The following MYH3 variants were observed in gnomAD, a reference collection of about 807,000 sequenced individuals.
The protein encoded by MYH3 is myosin heavy chain 3.
In MYH3, 130 loss-of-function variants were observed where a neutral mutation model predicts 238.0. The ratio of observed to expected loss-of-function variants is 0.55; its 90% CI spans 0.47 to 0.63. The LOEUF is 0.63. Among genes scored for constraint, MYH3 ranks in the 30% least tolerant of loss-of-function variants. The pLI is 0.00. For missense variants in MYH3, 1,853 were observed against 2,374.9 expected (o/e 0.78, Z 4.57); for synonymous variants, 880 against 924.1 (o/e 0.95, Z 0.86).
chr17:10,669,629 C>T, the MYH3 span, among the ~76,000 whole-genome samples: 1 of 151,154 alleles, frequency 6.6e-6, no homozygotes, highest in African/African-American at 2.4e-5. Flanking sequence ...TCAGGTTGGG[C>T]ACGGTGGCTT....
the MYH3 span, among the ~76,000 whole-genome samples, chr17:10,669,147 AGG>A: frequency 6.6e-6 from 1 of 152,212 alleles, no homozygotes; most frequent in Non-Finnish European, 1.5e-5. Flanking sequence ...GCTGCCCCGC[AGG>A]GATGTGAGCC....
Position 10,644,751 on chromosome 17 carries a change from GA to G in MYH3, c.1142-50del, listed in dbSNP as rs769371877. 12 of 1,427,514 alleles carry G rather than the reference GA, an allele frequency of 8.4e-6. No homozygotes were observed. The South Asian group carries it at 1.3e-4, about 15-fold the overall frequency. The allele number at this position is 1,427,514 out of a possible 1,614,324, so 88.4% of individuals were successfully genotyped here. ...CTTAGAAAAGTAGAAGAGCTGCTTTGAAAATCATCCAGAAGTTTCAAAGGTT... is the reference window on the plus strand; with the variant it reads ...CTTAGAAAAGTAGAAGAGCTGCTTTGAAATCATCCAGAAGTTTCAAAGGTT... On this transcript the variant is annotated intron_variant, in intron 12 of 40. Coordinates refer to ENST00000583535, the MANE Select transcript of MYH3 (RefSeq NM_002470.4).
chr17:10,667,942 T>C, the MYH3 span, among the ~76,000 whole-genome samples: 2 of 152,116 alleles, frequency 1.3e-5, no homozygotes, highest in African/African-American at 4.8e-5. Flanking sequence ...TAAATGTAAA[T>C]ATAAAGGAAA....
At position 10,655,155 on chromosome 17, in the gene MYH3, T is replaced by C. The variant is rs966990559; in HGVS notation, c.-8-83A>G. ...TCCAGGCCTGTTTCAGCCTCCACCC[T>C]GCCCTCCTTCAGCCGCAGGAGCCCT... is the stretch of plus-strand genomic sequence containing the variant. On this transcript the variant is annotated intron_variant, in intron 2 of 40. Transcript: ENST00000583535. 9.7e-6 allele frequency: 11 copies of C among 1,138,226 alleles called. No individual in the cohort carries two copies. The African/African-American group carries it at 1.7e-4, about 17-fold the overall frequency. 70.5% of individuals were successfully genotyped at this position (1,138,226 alleles called of 1,614,324 possible).
chr17:10,632,915 A>G (rs1473656413), intron 33 of MYH3, 131 bp from the exon 34 acceptor site: 1 of 1,099,498 alleles, frequency 9.1e-7, no homozygotes, highest in Non-Finnish European at 1.4e-6. Flanking sequence ...TTCACTTTTT[A>G]AATGTCCCCA....
At chr17:10,648,965 G>A (rs113814895) in intron 7 of MYH3, among the ~76,000 whole-genome samples, 2,601 of 152,174 alleles carry the variant, frequency 0.017, 79 homozygotes, top group African/African-American at 0.059. Flanking sequence ...GTGAGCCACC[G>A]AGCCCAGCCT....
At position 10,630,201 on chromosome 17, in the gene MYH3, G is replaced by GGGA; in HGVS notation, c.5458-8_5458-6dup. ...TTCAAACTCCAGCTCTCGGATCTGG[G>GGGA]GGAGAGGGTGGGGAAATTAGTCTGG... On this transcript the variant is annotated splice_polypyrimidine_tract_variant and splice_region_variant and intron_variant, in intron 37 of 40. Coordinates refer to ENST00000583535, the MANE Select transcript of MYH3 (RefSeq NM_002470.4). The GGGA allele has an allele frequency of 1.9e-6, 3 of 1,614,144 alleles. No individual in the cohort carries two copies. Among genetic ancestry groups the GGGA allele is most frequent in the Non-Finnish European group, 2.5e-6 (3 of 1,180,006 alleles).
chr17:10,639,536 T>C lies in MYH3; in HGVS notation c.2925+24A>G, dbSNP rs778288362. On this transcript the variant is annotated intron_variant, in intron 23 of 40. Coordinates refer to ENST00000583535, the MANE Select transcript of MYH3 (RefSeq NM_002470.4). The stretch of plus-strand genomic sequence containing the variant: ...TTAGTTTGCAATGACTATATCAAGC[T>C]AGACACACCTACAATAAGAATACCT... The C allele has an allele frequency of 1.4e-5, 23 of 1,614,136 alleles. No individual in the cohort carries two copies. In the Admixed American group the frequency reaches 1.8e-4, roughly 13 times the overall value.
rs931075229 is a variant in MYH3 at position 10,654,544 on chromosome 17, A to G, written c.204+317T>C. 6.6e-6 allele frequency among the ~76,000 whole-genome samples: 1 copy of G among 152,230 alleles called. No individual in the cohort carries two copies. The highest frequency in any genetic ancestry group is 1.5e-5 in the Non-Finnish European group (1 of 68,042). ...GAGTGTTCTGAAACAGCGCTCATTC[A>G]TGTTGAACTCCCAACTCCACACCCT... On this transcript the variant is annotated intron_variant, in intron 3 of 40. Coordinates refer to ENST00000583535, the MANE Select transcript of MYH3 (RefSeq NM_002470.4). This position sits in a 1 kb window ranked among gnomAD's most constrained non-coding sequence, Gnocchi z 4.5.
At chr17:10,663,623 T>C in the MYH3 span, among the ~76,000 whole-genome samples, 4 of 151,872 alleles carry the variant, frequency 2.6e-5, no homozygotes, top group African/African-American at 9.7e-5. Context: ...GGTCCTTTCC[T>C]CTGGGAGGGG....
In MYH3 at chr17:10,639,092, A is replaced by G; in HGVS notation, c.3200T>C (p.Ile1067Thr). The G allele has an allele frequency of 6.2e-7, 1 of 1,614,186 alleles. No individual in the cohort carries two copies. The highest frequency in any genetic ancestry group is 8.5e-7 in the Non-Finnish European group (1 of 1,180,006). ...TTGCTTGTCATTCTCCAGATCTAAT[A>G]TGGACTCTTGAGCAAGCTTCAAGTC... ...EGDLKLAQES[I>T]LDLENDKQQL... Residue 1067 changes from isoleucine to threonine, a missense_variant, in exon 25 of 41, where the codon ATA becomes ACA. Physicochemically the swap from Ile to Thr is moderately conservative, Grantham distance 89. Coordinates refer to ENST00000583535, the MANE Select transcript of MYH3 (RefSeq NM_002470.4).
chr17:10,666,084 C>T, the MYH3 span, among the ~76,000 whole-genome samples: 3 of 152,242 alleles, frequency 2.0e-5, no homozygotes, highest in South Asian at 2.1e-4. Flanking sequence ...ATACCTCACA[C>T]ATACACCAGA....
intron 34 of MYH3, 33 bp downstream of exon 34, chr17:10,632,443 A>C (rs756283309): frequency 1.9e-6 from 3 of 1,604,270 alleles, no homozygotes; most frequent in Non-Finnish European, 2.5e-6. Flanking sequence ...TGTGAGGAGG[A>C]GAGAGGTTTT....
chr17:10,654,014 G>A lies in MYH3; in HGVS notation c.204+847C>T, dbSNP rs2074403415. 6.6e-6 allele frequency among the ~76,000 whole-genome samples: 1 copy of A among 152,070 alleles called. No homozygotes were observed. The highest frequency in any genetic ancestry group is 2.1e-4 in the South Asian group (1 of 4,820). ...GCTCTGTCTCCCAGGCTGGAGTGCA[G>A]TGGCGTGATCTAGGCTCACTGCAAG... is the stretch of plus-strand genomic sequence containing the variant. On this transcript the variant is annotated intron_variant, in intron 3 of 40. Transcript: ENST00000583535. This position sits in a 1 kb window ranked among gnomAD's most constrained non-coding sequence, Gnocchi z 4.5.
At chr17:10,665,893 T>C in the MYH3 span, among the ~76,000 whole-genome samples, 7 of 152,202 alleles carry the variant, frequency 4.6e-5, no homozygotes, top group African/African-American at 1.7e-4. Flanking sequence ...AGGGCAGTGC[T>C]ATGCATGAAG....
In MYH3 at chr17:10,634,122, T is replaced by G; in HGVS notation, c.4417A>C (p.Lys1473Gln). The change falls in exon 32 of 41, where the codon AAG becomes CAG. Residue 1473 changes from lysine to glutamine, a missense_variant. Coordinates refer to ENST00000583535, the MANE Select transcript of MYH3 (RefSeq NM_002470.4). ...TCAGTGCTCAAGGAGCGGGACTCCT[T>G]CAGGGATGCCTCCAGCTCTGCTTGG... Reference protein sequence around the residue: ...ESQAELEASLKESRSLSTELF... With the variant: ...ESQAELEASLQESRSLSTELF... The G allele has an allele frequency of 6.2e-7, 1 of 1,614,234 alleles. No individual in the cohort carries two copies. The highest frequency in any genetic ancestry group is 8.5e-7 in the Non-Finnish European group (1 of 1,180,044).
the MYH3 span, among the ~76,000 whole-genome samples, chr17:10,668,071 A>C: frequency 5.6e-4 from 86 of 152,352 alleles, no homozygotes; most frequent in Admixed American, 4.2e-3. Context: ...TACTCTGTAC[A>C]TTCTTAGTGA....
In MYH3 at chr17:10,639,811, A is replaced by G; in HGVS notation, c.2683-9T>C. 2 of 1,614,000 alleles carry G rather than the reference A, an allele frequency of 1.2e-6. No homozygotes were observed. The highest frequency in any genetic ancestry group is 2.2e-5 in the South Asian group (2 of 91,062). ...AACAAATTTTCGCTTTCCTTAAAAA[A>G]AAAAGAATAATAACTTCGTTGAATG... On this transcript the variant is annotated splice_polypyrimidine_tract_variant and intron_variant, in intron 22 of 40. Coordinates refer to ENST00000583535, the MANE Select transcript of MYH3 (RefSeq NM_002470.4).
chr17:10,642,440 T>C lies in MYH3; in HGVS notation c.1865A>G (p.Tyr622Cys), dbSNP rs577286168. The C allele has an allele frequency of 3.1e-6, 5 of 1,614,188 alleles. No individual in the cohort carries two copies. The African/African-American group carries it at 4.0e-5, about 13-fold the overall frequency. Residue 622 changes from tyrosine (Y) to cysteine (C), a missense_variant, in exon 16 of 41, where the codon TAT becomes TGT. Tyr to Cys is a radical substitution (Grantham distance 194). Transcript: ENST00000583535. The surrounding 1 kb of genome is among the most constrained non-coding windows in gnomAD (Gnocchi z 5.4). The stretch of plus-strand genomic sequence containing the variant: ...ACCATCCGCCGTGGCAAACGTGGCA[T>C]AGAGGTGTGCCAGGAGCCTGTTGGA... ...KSSNRLLAHL[Y>C]ATFATADADS...
Sources: gnomAD v4.1 joint callset for allele counts (sites outside exome capture counted in the v4.1 genomes callset) on GRCh38, gnomAD v4.1.1 for gene constraint, Gnocchi (gnomAD v3.1) non-coding constraint, MANE v1.5 for transcripts, NCBI Gene and HGNC (gene_info 2026-07-23, HGNC 2026-07-21) for gene names.